SMOC2: variants seen among roughly 807,000 people sequenced by gnomAD.
SMOC2 encodes SPARC-related modular calcium-binding protein 2.
SMOC2 carries 39 observed loss-of-function variants against 61.4 expected under a neutral mutation model. The observed-to-expected ratio is 0.64, with a 90% CI of 0.49 to 0.83. The LOEUF is 0.83. Ranked by LOEUF, SMOC2 falls within the 40% of genes least tolerant of loss-of-function variation. The probability of loss-of-function intolerance (pLI) is 0.00; values close to 1 mark genes in which losing one functional copy is unlikely to be tolerated. For synonymous variants in SMOC2, 247 were observed against 239.9 expected (o/e 1.03, Z -0.27); for missense variants, 556 against 592.9 (o/e 0.94, Z 0.65).
chr6:168,644,694 G>C (rs1786980133), intron 9 of SMOC2, among the ~76,000 whole-genome samples: 1 of 135,152 alleles, frequency 7.4e-6, no homozygotes, highest in African/African-American at 2.8e-5. Context: ...CTGTCTCCCA[G>C]GCTGGAGTGC....
chr6:168,619,972 G>T (rs1307946782), intron 9 of SMOC2, among the ~76,000 whole-genome samples: 1 of 152,202 alleles, frequency 6.6e-6, no homozygotes, highest in African/African-American at 2.4e-5. Flanking sequence ...TCGCTCTCAA[G>T]GTTCCGGACA....
chr6:168,489,757 G>A (rs1415868678), intron 1 of SMOC2, among the ~76,000 whole-genome samples: 2 of 152,066 alleles, frequency 1.3e-5, no homozygotes, highest in African/African-American at 4.8e-5. Flanking sequence ...CAAATCGTCT[G>A]GGTCCTCTTG....
intron 1 of SMOC2, among the ~76,000 whole-genome samples, chr6:168,505,998 T>C (rs1782864102): frequency 6.2e-5 from 9 of 144,750 alleles, no homozygotes; most frequent in Admixed American, 6.1e-4. Flanking sequence ...ATTTGGAAAG[T>C]GTGTGCTTTT....
rs540380767 is a variant in SMOC2 at position 168,527,684 on chromosome 6, C to T, written c.420C>T (p.Pro140=). 2 of 1,552,510 alleles carry T rather than the reference C, an allele frequency of 1.3e-6. No homozygotes were observed. Among genetic ancestry groups the T allele is most frequent in the African/African-American group, 1.4e-5 (1 of 73,350 alleles). Residue 140 remains proline, a synonymous_variant, in exon 4 of 13, where the codon CCC becomes CCT. Coordinates refer to ENST00000356284, the MANE Select transcript of SMOC2 (RefSeq NM_001166412.2). ...GGTGCGTCACGCCCAACGGGAGGCC[C>T]ATCAGCGGCACTGCCGTGGCCCACA... ...YCWCVTPNGR[P]ISGTAVAHKT...
chr6:168,504,191 A>G (rs1169431207), intron 1 of SMOC2, among the ~76,000 whole-genome samples: 2 of 151,998 alleles, frequency 1.3e-5, no homozygotes, highest in East Asian at 1.9e-4. Flanking sequence ...GCGGTCCCCA[A>G]CCTTTTCGGC....
chr6:168,656,909 G>A (rs947571242), intron 11 of SMOC2, among the ~76,000 whole-genome samples: 14 of 152,196 alleles, frequency 9.2e-5, no homozygotes, highest in Non-Finnish European at 1.8e-4. Flanking sequence ...GCCTCCCTTC[G>A]CTCTGTATGC....
intron 7 of SMOC2, among the ~76,000 whole-genome samples, chr6:168,586,936 T>A (rs559969643): frequency 7.6e-4 from 116 of 152,354 alleles, no homozygotes; most frequent in Admixed American, 2.3e-3. Flanking sequence ...TGTCATTAAA[T>A]ATGATGTTAG....
At chr6:168,619,070 G>A (rs918850836) in intron 9 of SMOC2, among the ~76,000 whole-genome samples, 1 of 152,184 alleles carries the variant, frequency 6.6e-6, no homozygotes, top group Non-Finnish European at 1.5e-5. Context: ...AGCACGGATC[G>A]GAGAACTTGA....
At chr6:168,559,088 TGTC>T (rs1158371066) in intron 7 of SMOC2, among the ~76,000 whole-genome samples, 1 of 152,262 alleles carries the variant, frequency 6.6e-6, no homozygotes, top group African/African-American at 2.4e-5. Flanking sequence ...ATGAAATTTG[TGTC>T]GTCGTGATTA....
In SMOC2 at chr6:168,667,963, A is replaced by G. The variant is rs1787703605; in HGVS notation, c.*1525A>G. 1 of 152,208 alleles carries G rather than the reference A, an allele frequency of 6.6e-6. No homozygotes were observed. The highest frequency in any genetic ancestry group is 1.5e-5 in the Non-Finnish European group (1 of 68,036). 9.4% of individuals were successfully genotyped at this position (152,208 alleles called of 1,614,324 possible). ...ACCTTTGAATTTAATCATTGTTCTT[A>G]GATTAAAATAAAATATGCTATTGAA... On this transcript the variant is annotated 3_prime_UTR_variant, in exon 13 of 13. Coordinates refer to ENST00000356284, the MANE Select transcript of SMOC2 (RefSeq NM_001166412.2).
chr6:168,655,441 A>T (rs770477510), intron 11 of SMOC2: 1 of 456,110 alleles, frequency 2.2e-6, no homozygotes, highest in Admixed American at 2.3e-5. Context: ...TGTTCTTAGG[A>T]GGCAAGCCAG....
At chr6:168,623,461 A>T (rs1356056756) in intron 9 of SMOC2, among the ~76,000 whole-genome samples, 1 of 148,430 alleles carries the variant, frequency 6.7e-6, no homozygotes. Context: ...AGTAACTAGG[A>T]CTACACACCA....
chr6:168,661,544 G>A (rs1239232242), intron 11 of SMOC2, among the ~76,000 whole-genome samples: 2 of 152,156 alleles, frequency 1.3e-5, no homozygotes, highest in Non-Finnish European at 2.9e-5. Context: ...GGAGGTTGCA[G>A]TGAGCTGAGA....
At chr6:168,482,224 A>G (rs1782222945) in intron 1 of SMOC2, among the ~76,000 whole-genome samples, 1 of 151,958 alleles carries the variant, frequency 6.6e-6, no homozygotes, top group Non-Finnish European at 1.5e-5. Context: ...AAAAAGAAAG[A>G]AATAAAAGTG....
chr6:168,498,448 G>A (rs1474012939), intron 1 of SMOC2, among the ~76,000 whole-genome samples: 1 of 152,144 alleles, frequency 6.6e-6, no homozygotes, highest in Non-Finnish European at 1.5e-5. Context: ...TAGTTTAGCT[G>A]TGCCAGAAAA....
intron 1 of SMOC2, among the ~76,000 whole-genome samples, chr6:168,495,850 G>T (rs1328311188): frequency 1.3e-5 from 2 of 152,156 alleles, no homozygotes; most frequent in Non-Finnish European, 2.9e-5. Context: ...CACCTGCACG[G>T]TTCACCCACC....
intron 9 of SMOC2, among the ~76,000 whole-genome samples, chr6:168,627,959 G>A (rs556023938): frequency 4.0e-4 from 61 of 152,280 alleles, no homozygotes; most frequent in African/African-American, 1.4e-3. Context: ...AGGCTCCCAC[G>A]GAGAAGCCTT....
chr6:168,599,115 C>T, intron 8 of SMOC2, 111 bp downstream of exon 8: 1 of 899,068 alleles, frequency 1.1e-6, no homozygotes, highest in South Asian at 1.7e-5. Context: ...CAGTCACACA[C>T]ACACTCACAC....
chr6:168,460,300 C>A (rs182106709), intron 1 of SMOC2, among the ~76,000 whole-genome samples: 198 of 152,294 alleles, frequency 1.3e-3, no homozygotes, highest in African/African-American at 4.6e-3. Context: ...TAAAGGAATT[C>A]TACAAGCAAT....
Sources: allele counts gnomAD v4.1 joint callset (sites outside exome capture counted in the v4.1 genomes callset), GRCh38; gene constraint gnomAD v4.1.1; transcripts MANE v1.5; gene names NCBI Gene and HGNC (gene_info 2026-07-23, HGNC 2026-07-21).